The following ADCK5 variants were observed in gnomAD, a reference collection of about 807,000 sequenced individuals.
ADCK5 encodes uncharacterized aarF domain-containing protein kinase 5.
Under a neutral mutation model 64.9 loss-of-function variants are expected in ADCK5, and 43 were observed. That is an observed-to-expected ratio of 0.66 (90% CI 0.52 to 0.85). ADCK5 has a LOEUF of 0.85. ADCK5 is among the 40% of genes least tolerant of loss of function. The pLI is 0.00. For missense variants in ADCK5, 760 were observed against 810.5 expected (o/e 0.94, Z 0.76); for synonymous variants, 434 against 342.8 (o/e 1.27, Z -2.94).
chr8:144,377,066 T>C (rs1819394543), intron 1 of ADCK5, among the ~76,000 whole-genome samples: 1 of 152,194 alleles, frequency 6.6e-6, no homozygotes, highest in Non-Finnish European at 1.5e-5. Flanking sequence ...CTAGGTCCAG[T>C]GTTGAGGACC....
upstream of ADCK5, chr8:144,374,045 G>C (rs1819261248): frequency 8.0e-7 from 1 of 1,244,046 alleles, no homozygotes; most frequent in East Asian, 3.2e-5. Flanking sequence ...CTGCTGGGCT[G>C]CGAGACGCTA....
chr8:144,390,778 G>A, intron 4 of ADCK5, 32 bp downstream of exon 4: 1 of 1,611,210 alleles, frequency 6.2e-7, no homozygotes, highest in Non-Finnish European at 8.5e-7. Flanking sequence ...ACACAGTGGT[G>A]GGCATGAGGT....
chr8:144,388,627 T>A (rs1347093477), intron 3 of ADCK5, among the ~76,000 whole-genome samples: 3 of 149,436 alleles, frequency 2.0e-5, no homozygotes, highest in Non-Finnish European at 4.5e-5. Flanking sequence ...TAGCCGGGCG[T>A]GGTGTTGGGC....
At chr8:144,388,879 G>A (rs768715468) in intron 3 of ADCK5, among the ~76,000 whole-genome samples, 2 of 152,250 alleles carry the variant, frequency 1.3e-5, no homozygotes, top group Non-Finnish European at 2.9e-5. Context: ...GTTGATGGGG[G>A]ACACAGAGTC....
intron 7 of ADCK5, 35 bp downstream of exon 7, chr8:144,391,509 A>G (rs1820226942): frequency 6.3e-7 from 1 of 1,595,612 alleles, no homozygotes; most frequent in East Asian, 2.3e-5. Context: ...CAGCAGGAGC[A>G]AACACGTAGG....
Position 144,376,149 on chromosome 8 carries a change from T to C in ADCK5, c.12+2042T>C, listed in dbSNP as rs1819353477. On this transcript the variant is annotated intron_variant, in intron 1 of 14. Coordinates refer to ENST00000308860, the MANE Select transcript of ADCK5 (RefSeq NM_174922.5). This position sits in a 1 kb window ranked among gnomAD's most constrained non-coding sequence, Gnocchi z 5.1. ...GGAGACAGGCTCTTGCTCAGCCTCA[T>C]GGGCCCTGGCAGGCACTGTGGGTTA... Among the ~76,000 whole-genome samples the C allele has an allele frequency of 6.6e-6, 1 of 152,216 alleles. No individual in the cohort carries two copies. The highest frequency in any genetic ancestry group is 1.5e-5 in the Non-Finnish European group (1 of 68,046).
chr8:144,389,746 G>A (rs2130724117), intron 3 of ADCK5, among the ~76,000 whole-genome samples: 1 of 152,098 alleles, frequency 6.6e-6, no homozygotes, highest in African/African-American at 2.4e-5. Flanking sequence ...TGGTCAGGAT[G>A]GCCTCAATCT....
At position 144,393,002 on chromosome 8, in the gene ADCK5, C is replaced by G. The variant is rs1554861688; in HGVS notation, c.1671C>G (p.Leu557=). The G allele has an allele frequency of 6.3e-7, 1 of 1,589,506 alleles. No individual in the cohort carries two copies. The highest frequency in any genetic ancestry group is 8.5e-7 in the Non-Finnish European group (1 of 1,171,386). The change falls in exon 15 of 15, where the codon CTC becomes CTG. Residue 557 remains leucine, a synonymous_variant. Coordinates refer to ENST00000308860, the MANE Select transcript of ADCK5 (RefSeq NM_174922.5). ...LETLAMRLTA[L]LARALVHLSL... is the part of the protein sequence containing the mutation. ...CCTTGGCCATGCGGCTGACCGCCCT[C>G]CTGGCTCGTGCTCTGGTCCACCTGA...
At chr8:144,374,198 A>G in intron 1 of ADCK5, 91 bp downstream of exon 1, 1 of 1,167,016 alleles carries the variant, frequency 8.6e-7, no homozygotes, top group East Asian at 3.2e-5. Context: ...CGCCCTAGAG[A>G]CCCTCGGGGC....
chr8:144,391,071 A>G lies in ADCK5; in HGVS notation c.543+15A>G, dbSNP rs1317014124. Reference sequence around the variant, plus strand: ...GCTTCCAGGAGGTGAGTGTGCGCTCAGGCCGAGGGAGGTGGGGCCTCCAGC... The same window carrying G: ...GCTTCCAGGAGGTGAGTGTGCGCTCGGGCCGAGGGAGGTGGGGCCTCCAGC... On this transcript the variant is annotated intron_variant, in intron 5 of 14. Transcript: ENST00000308860. 6.2e-7 allele frequency: 1 copy of G among 1,611,094 alleles called. No individual in the cohort carries two copies. The highest frequency in any genetic ancestry group is 1.3e-5 in the African/African-American group (1 of 74,930).
chr8:144,391,103 C>A (rs781968904), intron 5 of ADCK5, 31 bp from the exon 6 acceptor site: 2 of 1,610,538 alleles, frequency 1.2e-6, no homozygotes, highest in East Asian at 2.2e-5. Flanking sequence ...CAGCAGTGGC[C>A]CCAGGCTGCT....
chr8:144,382,647 A>G (rs1819729485), intron 2 of ADCK5, among the ~76,000 whole-genome samples: 1 of 152,220 alleles, frequency 6.6e-6, no homozygotes, highest in Admixed American at 6.5e-5. Flanking sequence ...GCGACTCAGC[A>G]CGTGCCGACC....
At position 144,383,158 on chromosome 8, in the gene ADCK5, G is replaced by A. The variant is rs782038841; in HGVS notation, c.194G>A (p.Arg65His). 1.3e-5 allele frequency: 20 copies of A among 1,597,542 alleles called. No homozygotes were observed. Among genetic ancestry groups the A allele is most frequent in the East Asian group, 9.0e-5 (4 of 44,314 alleles). ...VVGAPLLLGA[R>H]YVMAEAREKR... is the part of the protein sequence containing the mutation. ...GGGGCGCCCCTGCTCCTCGGAGCCC[G>A]CTATGTCATGGCAGAGGCACGGGAG... The change falls in exon 3 of 15, where the codon CGC (arginine) becomes CAC (histidine). Residue 65 changes from arginine (R) to histidine (H), a missense_variant. Arg to His is a conservative substitution (Grantham distance 29). This residue lies in a region of ADCK5 where 427 missense variants were observed against 518.4 expected (regional missense o/e 0.82). Coordinates refer to ENST00000308860, the MANE Select transcript of ADCK5 (RefSeq NM_174922.5).
chr8:144,391,719 G>A lies in ADCK5; in HGVS notation c.930+8G>A. ...TGGGACAAGTCCAGCAAGGTGGGCT[G>A]GGCCAGGCCCTTGGGGTGGGCACAG... is the stretch of plus-strand genomic sequence containing the variant. On this transcript the variant is annotated splice_region_variant and intron_variant, in intron 8 of 14. Transcript: ENST00000308860. 3 of 1,538,808 alleles carry A rather than the reference G, an allele frequency of 1.9e-6. No individual in the cohort carries two copies. Among genetic ancestry groups the A allele is most frequent in the Non-Finnish European group, 2.6e-6 (3 of 1,147,130 alleles).
Position 144,393,198 on chromosome 8 carries a change from G to T in ADCK5, c.*124G>T. 1.5e-6 allele frequency: 2 copies of T among 1,352,530 alleles called. No homozygotes were observed. Among genetic ancestry groups the T allele is most frequent in the South Asian group, 3.0e-5 (2 of 67,086 alleles). 83.8% of individuals were successfully genotyped at this position (1,352,530 alleles called of 1,614,324 possible). A position where few individuals can be genotyped will look rare whatever the true frequency, so the allele number is the denominator to read the frequency against. On this transcript the variant is annotated 3_prime_UTR_variant, in exon 15 of 15. Coordinates refer to ENST00000308860, the MANE Select transcript of ADCK5 (RefSeq NM_174922.5). ...ACTGGGGGGCTGTGACAGCAGCTGGGCCAGGAGGCCGTGTAATGACCACAC... is the reference window on the plus strand; with the variant it reads ...ACTGGGGGGCTGTGACAGCAGCTGGTCCAGGAGGCCGTGTAATGACCACAC...
At chr8:144,385,390 G>C (rs1819872657) in intron 3 of ADCK5, among the ~76,000 whole-genome samples, 1 of 151,550 alleles carries the variant, frequency 6.6e-6, no homozygotes, top group Admixed American at 6.6e-5. Flanking sequence ...CGTCATGTTG[G>C]ACAGGCTGGT....
chr8:144,379,193 A>G (rs2130689841), intron 1 of ADCK5, among the ~76,000 whole-genome samples, 194 bp from the exon 2 acceptor site: 1 of 152,106 alleles, frequency 6.6e-6, no homozygotes, highest in East Asian at 1.9e-4. Flanking sequence ...TCGGCCTCCT[A>G]AAGTTCTGGG....
Position 144,393,116 on chromosome 8 carries a change from G to T in ADCK5, c.*42G>T. The T allele has an allele frequency of 6.7e-7, 1 of 1,488,062 alleles. No individual in the cohort carries two copies. 92.2% of individuals were successfully genotyped at this position (1,488,062 alleles called of 1,614,324 possible). On this transcript the variant is annotated 3_prime_UTR_variant, in exon 15 of 15. Transcript: ENST00000308860. ...GCCGGCGGGGCCCTTTTCACCTTGG[G>T]CTGACGGAGGTGGCGGGGCTAGAGG...
At chr8:144,383,934 C>T (rs1443108771) in intron 3 of ADCK5, among the ~76,000 whole-genome samples, 10 of 144,052 alleles carry the variant, frequency 6.9e-5, no homozygotes, top group Admixed American at 5.8e-4. Flanking sequence ...GCTCTGTCAC[C>T]CAGGCTGGAG....
Sources: gnomAD v4.1 joint callset for allele counts (sites outside exome capture counted in the v4.1 genomes callset) on GRCh38, gnomAD v4.1.1 for gene constraint, gnomAD v4.1.1 regional missense constraint, Gnocchi (gnomAD v3.1) non-coding constraint, MANE v1.5 for transcripts, NCBI Gene and HGNC (gene_info 2026-07-23, HGNC 2026-07-21) for gene names.